The following GRM5 variants were observed in gnomAD, a reference collection of about 807,000 sequenced individuals.
GRM5 encodes the protein glutamate metabotropic receptor 5, also known as metabotropic glutamate receptor 5.
GRM5 carries 19 observed loss-of-function variants against 83.1 expected under a neutral mutation model. That is an observed-to-expected ratio of 0.23 (90% confidence interval 0.16 to 0.34). The LOEUF is 0.34. GRM5 is among the 10% of genes least tolerant of loss of function. The pLI, the probability that GRM5 is intolerant of heterozygous loss-of-function variation, is 1.00. For missense variants in GRM5, 1,160 were observed against 1,588.3 expected (o/e 0.73, Z 4.58); for synonymous variants, 675 against 633.6 (o/e 1.07, Z -0.98).
intron 3 of GRM5, among the ~76,000 whole-genome samples, chr11:88,785,268 A>C (rs1482672578): frequency 1.3e-5 from 2 of 152,050 alleles, no homozygotes; most frequent in African/African-American, 4.8e-5. Flanking sequence ...TTTGAGAACT[A>C]ATTACATACT....
At chr11:88,631,098 G>A (rs2135271765) in intron 4 of GRM5, among the ~76,000 whole-genome samples, 1 of 152,260 alleles carries the variant, frequency 6.6e-6, no homozygotes, top group Non-Finnish European at 1.5e-5. Flanking sequence ...CATGAGGGCT[G>A]TGGCAAAAAC....
intron 1 of GRM5, among the ~76,000 whole-genome samples, chr11:89,052,586 T>C (rs1324361137): frequency 6.6e-6 from 1 of 152,198 alleles, no homozygotes; most frequent in East Asian, 1.9e-4. Context: ...TGTCTGTATG[T>C]GTGGCATATG....
At chr11:88,970,262 T>TC (rs1381887776) in intron 2 of GRM5, among the ~76,000 whole-genome samples, 1 of 152,160 alleles carries the variant, frequency 6.6e-6, no homozygotes, top group Admixed American at 6.6e-5. Flanking sequence ...ACCTAATAGT[T>TC]CAACGTGGGT....
chr11:89,053,705 G>C (rs1941810607), intron 1 of GRM5, among the ~76,000 whole-genome samples: 1 of 151,134 alleles, frequency 6.6e-6, no homozygotes, highest in South Asian at 2.1e-4. Flanking sequence ...ACAAAATGCA[G>C]TGAAGCAGTA....
intron 3 of GRM5, among the ~76,000 whole-genome samples, chr11:88,711,370 C>T (rs147242633): frequency 6.6e-6 from 1 of 152,218 alleles, no homozygotes; most frequent in Admixed American, 6.5e-5. Flanking sequence ...CTTGTGTCAG[C>T]TCCCAAGGCA....
intron 2 of GRM5, among the ~76,000 whole-genome samples, chr11:88,890,226 A>T (rs56780745): frequency 6.6e-6 from 1 of 151,986 alleles, no homozygotes; most frequent in African/African-American, 2.4e-5. Context: ...GAAGCAATGC[A>T]CTGTTTTCTC....
At chr11:88,587,353 G>A (rs77392233) in intron 7 of GRM5, among the ~76,000 whole-genome samples, 2 of 152,204 alleles carry the variant, frequency 1.3e-5, no homozygotes, top group Non-Finnish European at 2.9e-5. Flanking sequence ...CACAGACAGG[G>A]AGGAATAAAA....
intron 7 of GRM5, among the ~76,000 whole-genome samples, chr11:88,584,480 C>A (rs770917330): frequency 6.6e-5 from 10 of 152,058 alleles, no homozygotes; most frequent in Non-Finnish European, 1.3e-4. Context: ...GTCACCCGAG[C>A]TGGAGTGCAG....
chr11:88,727,818 GT>G (rs1414304338), intron 3 of GRM5, among the ~76,000 whole-genome samples: 1 of 152,146 alleles, frequency 6.6e-6, no homozygotes, highest in East Asian at 1.9e-4. Context: ...AAATAAATAA[GT>G]TGCTTGAAAC....
chr11:88,624,584 A>G (rs769789652), intron 4 of GRM5, among the ~76,000 whole-genome samples: 122 of 152,278 alleles, frequency 8.0e-4, no homozygotes, highest in Non-Finnish European at 1.4e-3. Context: ...TGGGGGACCA[A>G]GACGGGAGGA....
intron 3 of GRM5, among the ~76,000 whole-genome samples, chr11:88,665,397 A>G (rs1019624022): frequency 1.3e-5 from 2 of 152,198 alleles, no homozygotes; most frequent in African/African-American, 4.8e-5. Context: ...ACATAAACAC[A>G]GAATGGGCTC....
At chr11:88,784,651 T>C (rs558588563) in intron 3 of GRM5, among the ~76,000 whole-genome samples, 31 of 152,180 alleles carry the variant, frequency 2.0e-4, no homozygotes, top group African/African-American at 7.5e-4. Flanking sequence ...GAATAAATAC[T>C]GTGTTGTAAT....
At chr11:88,726,120 T>G (rs1941673982) in intron 3 of GRM5, among the ~76,000 whole-genome samples, 1 of 152,042 alleles carries the variant, frequency 6.6e-6, no homozygotes, top group Non-Finnish European at 1.5e-5. Flanking sequence ...TAACCCAATG[T>G]AAAGAAGCTA....
At chr11:88,752,297 T>A (rs1172347990) in intron 3 of GRM5, among the ~76,000 whole-genome samples, 2 of 152,112 alleles carry the variant, frequency 1.3e-5, no homozygotes, top group Admixed American at 6.6e-5. Context: ...CTAGCATTCA[T>A]ATATACCAAC....
At chr11:88,752,088 G>C (rs1942287906) in intron 3 of GRM5, among the ~76,000 whole-genome samples, 1 of 152,144 alleles carries the variant, frequency 6.6e-6, no homozygotes, top group African/African-American at 2.4e-5. Flanking sequence ...ACATAGTATT[G>C]AAAGTTCTGG....
At chr11:88,923,036 A>AC (rs34828306) in intron 2 of GRM5, among the ~76,000 whole-genome samples, 54,833 of 151,884 alleles carry the variant, frequency 0.36, 10,144 homozygotes, top group African/African-American at 0.38. Context: ...ATTTCATCTC[A>AC]CCCATTTAAA....
intron 2 of GRM5, among the ~76,000 whole-genome samples, chr11:89,016,639 T>C (rs1426700056): frequency 1.3e-5 from 2 of 152,172 alleles, no homozygotes; most frequent in Non-Finnish European, 2.9e-5. Flanking sequence ...AGTGATTTTC[T>C]TATTGTCAAT....
At chr11:88,748,217 G>A (rs1219846014) in intron 3 of GRM5, among the ~76,000 whole-genome samples, 1 of 152,146 alleles carries the variant, frequency 6.6e-6, no homozygotes, top group Non-Finnish European at 1.5e-5. Context: ...AGTCTCAGCA[G>A]AGCAGCCACT....
Position 88,712,854 on chromosome 11 carries a change from A to G in GRM5, c.912-59451T>C, listed in dbSNP as rs1323245864. Among the ~76,000 whole-genome samples the G allele has an allele frequency of 2.6e-5, 4 of 152,102 alleles. No homozygotes were observed. In the East Asian group the frequency reaches 7.7e-4, roughly 29 times the overall value. On this transcript the variant is annotated intron_variant, in intron 3 of 9. Coordinates refer to ENST00000305447, the MANE Select transcript of GRM5 (RefSeq NM_001143831.3). ...TATCTGTGAACATGCTGTGAATAAT[A>G]TAAAGAATAATGTAAAGCCAAAGTT...
Sources: gnomAD v4.1 joint callset for allele counts (sites outside exome capture counted in the v4.1 genomes callset) on GRCh38, gnomAD v4.1.1 for gene constraint, MANE v1.5 for transcripts, NCBI Gene and HGNC (gene_info 2026-07-23, HGNC 2026-07-21) for gene names.